The following CEP63 variants were observed in gnomAD, a reference collection of about 807,000 sequenced individuals.
CEP63 encodes centrosomal protein 63, also known as centrosomal protein of 63 kDa.
CEP63 carries 84 observed loss-of-function variants against 89.1 expected under a neutral mutation model. The ratio of observed to expected loss-of-function variants is 0.94; its 90% CI spans 0.79 to 1.13. The LOEUF is 1.13. CEP63 is among the 50% of genes most tolerant of loss of function. CEP63 has a pLI of 0.00. For missense variants in CEP63, 838 were observed against 813.3 expected, an observed-to-expected ratio of 1.03 and a Z score of -0.37; for synonymous variants, 267 against 272.5, an observed-to-expected ratio of 0.98 and a Z score of 0.20.
chr3:134,620,857 C>G, the CEP63 span: 2 of 1,603,714 alleles, frequency 1.2e-6, no homozygotes, highest in Non-Finnish European at 1.7e-6. Flanking sequence ...TTGGCTGTCA[C>G]CTGGGGAGCA....
chr3:134,565,976 A>G (rs1957740995), downstream of CEP63, among the ~76,000 whole-genome samples: 1 of 152,106 alleles, frequency 6.6e-6, no homozygotes. Flanking sequence ...TTCAGAGGAA[A>G]CTGTTCTGAG....
the CEP63 span, among the ~76,000 whole-genome samples, chr3:134,777,664 G>T: frequency 7.0e-6 from 1 of 143,836 alleles, no homozygotes. Context: ...TGTTGCTCAG[G>T]CTGGAGTGCA....
At chr3:134,740,176 T>G in the CEP63 span, among the ~76,000 whole-genome samples, 1 of 152,184 alleles carries the variant, frequency 6.6e-6, no homozygotes, top group Non-Finnish European at 1.5e-5. Flanking sequence ...CAGTGACCCC[T>G]TGCAGGGACT....
chr3:134,606,874 GC>G, the CEP63 span: 1 of 967,304 alleles, frequency 1.0e-6, no homozygotes, highest in South Asian at 4.8e-5. Flanking sequence ...CAGCTTTCCA[GC>G]CCCTTATCTA....
chr3:134,609,787 G>T, the CEP63 span, among the ~76,000 whole-genome samples: 6 of 152,196 alleles, frequency 3.9e-5, no homozygotes, highest in African/African-American at 1.4e-4. Context: ...GAAGGAGCCT[G>T]GTGTCTGGGC....
the CEP63 span, among the ~76,000 whole-genome samples, chr3:134,744,272 G>A: frequency 1.3e-5 from 2 of 152,308 alleles, no homozygotes; most frequent in Non-Finnish European, 2.9e-5. Flanking sequence ...GTCCCACACA[G>A]TGGCCAGATA....
rs1418977609 is a variant in CEP63, at chr3:134,547,398, T to C, written c.993T>C (p.Ser331=). 1.2e-6 allele frequency: 2 copies of C among 1,613,768 alleles called. No homozygotes were observed. The change falls in exon 9 of 15, where the codon AGT becomes AGC. Residue 331 remains serine (S), a synonymous_variant. Transcript: ENST00000675561. ...CTCAAGGGCAGGGGGACTTAGACAGTGTGCTCTCCCAGTTGAATTTTACCC... is the reference window on the plus strand; with the variant it reads ...CTCAAGGGCAGGGGGACTTAGACAGCGTGCTCTCCCAGTTGAATTTTACCC... ...YTSQGQGDLD[S]VLSQLNFTHT...
the CEP63 span, chr3:134,608,202 A>C: frequency 8.5e-7 from 1 of 1,181,710 alleles, no homozygotes; most frequent in South Asian, 1.6e-5. Flanking sequence ...AGAACACAGC[A>C]GGCCAGTAGC....
the CEP63 span, chr3:134,610,579 CTGGCTGG>C: frequency 1.8e-6 from 1 of 569,704 alleles, no homozygotes; most frequent in East Asian, 3.0e-5. Context: ...AGATACAGTG[CTGGCTGG>C]TCCTGTTGGT....
chr3:134,603,675 G>A, the CEP63 span: 4 of 1,613,852 alleles, frequency 2.5e-6, no homozygotes, highest in Non-Finnish European at 3.4e-6. Context: ...AGCCAGCTGT[G>A]CTGCAGCTTC....
chr3:134,539,318 G>A (rs1269064425), intron 6 of CEP63, among the ~76,000 whole-genome samples: 1 of 152,074 alleles, frequency 6.6e-6, no homozygotes, highest in Non-Finnish European at 1.5e-5. Flanking sequence ...TATGTACACT[G>A]TTGTGCAACA....
At chr3:134,680,906 T>G in the CEP63 span, among the ~76,000 whole-genome samples, 1 of 152,226 alleles carries the variant, frequency 6.6e-6, no homozygotes, top group South Asian at 2.1e-4. Context: ...CTGATATCTT[T>G]CAACTGTGGT....
At position 134,558,170 on chromosome 3, in the gene CEP63, A is replaced by T. The variant is rs1187966534; in HGVS notation, c.1496A>T (p.Gln499Leu). The T allele has an allele frequency of 6.2e-7, 1 of 1,613,682 alleles. No homozygotes were observed. The highest frequency in any genetic ancestry group is 1.7e-5 in the Admixed American group (1 of 60,018). The change falls in exon 13 of 15, where the codon CAG becomes CTG. Residue 499 changes from glutamine to leucine, a missense_variant. Physicochemically the swap from Gln to Leu is moderately radical, Grantham distance 113. Coordinates refer to ENST00000675561, the MANE Select transcript of CEP63 (RefSeq NM_001353108.3). The part of the protein sequence containing the change: ...EAKEISLADL[Q>L]ENYIEALNKL... ...AAAGAGATTTCACTAGCAGACCTCCAGGAGAATTATATTGAGGCATTAAAT... is the reference window on the plus strand; with the variant it reads ...AAAGAGATTTCACTAGCAGACCTCCTGGAGAATTATATTGAGGCATTAAAT...
At chr3:134,723,754 T>C in the CEP63 span, among the ~76,000 whole-genome samples, 1 of 152,196 alleles carries the variant, frequency 6.6e-6, no homozygotes, top group Non-Finnish European at 1.5e-5. Context: ...CACCTCTCTC[T>C]ATCTGTAATA....
chr3:134,545,289 C>T (rs981888415), intron 6 of CEP63, among the ~76,000 whole-genome samples: 14 of 151,986 alleles, frequency 9.2e-5, no homozygotes, highest in African/African-American at 2.9e-4. Flanking sequence ...ATCCACTGCA[C>T]CCGGCCAATT....
the CEP63 span, among the ~76,000 whole-genome samples, chr3:134,762,171 A>G: frequency 6.6e-6 from 1 of 152,188 alleles, no homozygotes; most frequent in Non-Finnish European, 1.5e-5. Context: ...GGCCTAGACT[A>G]TAGGTTCAGA....
At chr3:134,685,470 A>T in the CEP63 span, among the ~76,000 whole-genome samples, 18 of 152,196 alleles carry the variant, frequency 1.2e-4, no homozygotes, top group Non-Finnish European at 2.5e-4. Flanking sequence ...GGGCATAAAC[A>T]TGTGGCTGGT....
the CEP63 span, among the ~76,000 whole-genome samples, chr3:134,637,664 C>T: frequency 6.6e-6 from 1 of 152,348 alleles, no homozygotes; most frequent in East Asian, 1.9e-4. Context: ...TTCACACGCA[C>T]ATCTGACAGT....
intron 1 of CEP63, among the ~76,000 whole-genome samples, chr3:134,494,013 A>T (rs995786423): frequency 2.6e-5 from 4 of 152,124 alleles, no homozygotes; most frequent in African/African-American, 9.7e-5. Context: ...ACACATATTA[A>T]TCAACACTAC....
Sources: allele counts gnomAD v4.1 joint callset (sites outside exome capture counted in the v4.1 genomes callset), GRCh38; gene constraint gnomAD v4.1.1; transcripts MANE v1.5; gene names NCBI Gene and HGNC (gene_info 2026-07-23, HGNC 2026-07-21).